CREB5: variants seen among roughly 807,000 people sequenced by gnomAD.
CREB5 encodes cAMP responsive element binding protein 5.
In CREB5, 19 loss-of-function variants were observed where a neutral mutation model predicts 57.1. That is an observed-to-expected ratio of 0.33 (90% confidence interval 0.23 to 0.49). The LOEUF (loss-of-function observed/expected upper bound fraction) is 0.49. CREB5 is among the 20% of genes least tolerant of loss of function. The pLI is 0.99. For missense variants in CREB5, 579 were observed against 671.6 expected, an observed-to-expected ratio of 0.86 and a Z score of 1.52; for synonymous variants, 238 against 238.3, an observed-to-expected ratio of 1.00 and a Z score of 0.01.
rs1441749902 is a variant in CREB5, at chr7:28,807,450, A to G, written c.1027-1737A>G. On this transcript the variant is annotated intron_variant, in intron 8 of 10. Transcript: ENST00000357727. Reference sequence around the variant, plus strand: ...GGCGACAGAGAGAGACTCCGTCTCAAGAAAAAAAGAAAATGTCTTTGCTTT... The same window carrying G: ...GGCGACAGAGAGAGACTCCGTCTCAGGAAAAAAAGAAAATGTCTTTGCTTT... Among the ~76,000 whole-genome samples the G allele has an allele frequency of 2.6e-5, 4 of 152,224 alleles. No homozygotes were observed. The East Asian group carries it at 5.8e-4, about 22-fold the overall frequency.
intron 5 of CREB5, chr7:28,686,134 C>T (rs1197973380): frequency 6.2e-7 from 1 of 1,613,644 alleles, no homozygotes; most frequent in South Asian, 1.1e-5. Flanking sequence ...TCTACACACA[C>T]TCATTCCAGA....
chr7:28,674,581 G>A (rs1800229859), intron 5 of CREB5, among the ~76,000 whole-genome samples: 3 of 152,156 alleles, frequency 2.0e-5, no homozygotes, highest in Non-Finnish European at 4.4e-5. Context: ...AGACCAACCT[G>A]CTGAGCTCAG....
chr7:28,687,820 G>A (rs912601869), intron 5 of CREB5, among the ~76,000 whole-genome samples: 1 of 152,116 alleles, frequency 6.6e-6, no homozygotes, highest in Non-Finnish European at 1.5e-5. Flanking sequence ...GGAGGAAGTA[G>A]CATGATGTGT....
chr7:28,590,954 A>T (rs2128664033), intron 5 of CREB5, among the ~76,000 whole-genome samples: 1 of 152,294 alleles, frequency 6.6e-6, no homozygotes, highest in African/African-American at 2.4e-5. Context: ...TTTTGTGTAT[A>T]GTTAATTTAG....
chr7:28,559,416 G>A (rs1794993623), intron 4 of CREB5, among the ~76,000 whole-genome samples: 1 of 152,174 alleles, frequency 6.6e-6, no homozygotes, highest in African/African-American at 2.4e-5. Flanking sequence ...CCAGGTTTAA[G>A]CGATTCTCCT....
In CREB5 at chr7:28,736,820, CTCTCT is replaced by C. The variant is rs1474314141; in HGVS notation, c.702+12490_702+12494del. Among the ~76,000 whole-genome samples, 34 of 97,274 alleles carry C rather than the reference CTCTCT, an allele frequency of 3.5e-4. 1 individual carries two copies. The highest frequency in any genetic ancestry group is 1.1e-3 in the African/African-American group (32 of 29,734). 63.8% of individuals were successfully genotyped at this position (97,274 alleles called of 152,430 possible). ...AGCTATGTACTTAGGCTCTCTCTCT[CTCTCT>C]TTTTTTTTTTTTTTTTAACAGTAGG... On this transcript the variant is annotated intron_variant, in intron 7 of 10. Coordinates refer to ENST00000357727, the MANE Select transcript of CREB5 (RefSeq NM_182898.4).
intron 3 of CREB5, among the ~76,000 whole-genome samples, chr7:28,504,686 G>A (rs576021910): frequency 1.6e-4 from 25 of 152,190 alleles, no homozygotes; most frequent in African/African-American, 4.8e-4. Flanking sequence ...ATAAACACCC[G>A]TGTGTTACCC....
At chr7:28,409,461 C>T (rs570389158), upstream of CREB5, 1 of 160,170 alleles carries the variant, frequency 6.2e-6, no homozygotes, top group African/African-American at 2.4e-5. This position sits in a 1 kb window ranked among gnomAD's most constrained non-coding sequence, Gnocchi z 4.4. Context: ...ACTTCTGGGG[C>T]TTTTGCATTT....
chr7:28,350,065 T>C (rs1786157108), intron 1 of CREB5, among the ~76,000 whole-genome samples: 1 of 152,244 alleles, frequency 6.6e-6, no homozygotes, highest in Non-Finnish European at 1.5e-5. Context: ...ATTTACCTTA[T>C]GGATACAGGC....
intron 1 of CREB5, among the ~76,000 whole-genome samples, chr7:28,439,645 C>A (rs538865578): frequency 6.6e-6 from 1 of 152,266 alleles, no homozygotes; most frequent in East Asian, 1.9e-4. Context: ...TGAACCTGTG[C>A]AGTCTATCAC....
chr7:28,730,114 G>A (rs1246679555), intron 7 of CREB5, among the ~76,000 whole-genome samples: 1 of 152,196 alleles, frequency 6.6e-6, no homozygotes, highest in Non-Finnish European at 1.5e-5. Context: ...GTATGTGGTA[G>A]GAGCTATGTT....
intron 7 of CREB5, among the ~76,000 whole-genome samples, chr7:28,793,695 G>A (rs1435071661): frequency 6.6e-6 from 1 of 152,220 alleles, no homozygotes; most frequent in East Asian, 1.9e-4. Flanking sequence ...AGAGAGCTGG[G>A]TGATGTGGCA....
chr7:28,554,081 T>C (rs1794772351), intron 4 of CREB5, among the ~76,000 whole-genome samples: 1 of 152,224 alleles, frequency 6.6e-6, no homozygotes. Context: ...TGATCCAGTG[T>C]ATGGAGATCC....
intron 4 of CREB5, among the ~76,000 whole-genome samples, chr7:28,560,682 G>C (rs1430676191): frequency 6.6e-6 from 1 of 152,020 alleles, no homozygotes; most frequent in Admixed American, 6.5e-5. Flanking sequence ...AAGTTCAGCA[G>C]GATCATGTGT....
intron 7 of CREB5, among the ~76,000 whole-genome samples, chr7:28,775,542 C>CGATATATATATATATATATATATA (rs1806570052): frequency 1.8e-5 from 1 of 54,826 alleles, no homozygotes; most frequent in African/African-American, 5.5e-5. Context: ...TATTCCTTAG[C>CGATATATATATATATATATATATA]CATATATATA....
chr7:28,743,838 CTTTTTTTT>C (rs58302393), intron 7 of CREB5, among the ~76,000 whole-genome samples: 1 of 76,018 alleles, frequency 1.3e-5, no homozygotes, highest in Non-Finnish European at 2.3e-5. Flanking sequence ...ATCTCCTTTT[CTTTTTTTT>C]TTTTTTTTTT....
intron 1 of CREB5, among the ~76,000 whole-genome samples, chr7:28,394,810 C>T (rs1393174953): frequency 6.6e-6 from 1 of 151,922 alleles, no homozygotes; most frequent in Non-Finnish European, 1.5e-5. Context: ...TGAAGAGAAG[C>T]CCATTTAGAA....
intron 1 of CREB5, among the ~76,000 whole-genome samples, chr7:28,343,079 T>G (rs1046558339): frequency 3.9e-5 from 6 of 152,108 alleles, no homozygotes; most frequent in Non-Finnish European, 8.8e-5. Flanking sequence ...TAGCTGGGAC[T>G]ACAGGTACCC....
At chr7:28,572,795 G>T (rs1469494531) in intron 5 of CREB5, among the ~76,000 whole-genome samples, 1 of 152,218 alleles carries the variant, frequency 6.6e-6, no homozygotes, top group Admixed American at 6.5e-5. Context: ...TGTAGGCTGT[G>T]TCACCATGCC....
Sources: gnomAD v4.1 joint callset for allele counts (sites outside exome capture counted in the v4.1 genomes callset) on GRCh38, gnomAD v4.1.1 for gene constraint, Gnocchi (gnomAD v3.1) non-coding constraint, MANE v1.5 for transcripts, NCBI Gene and HGNC (gene_info 2026-07-23, HGNC 2026-07-21) for gene names.